Variants in HPSE2 observed in about 807,000 individuals in gnomAD.
The protein encoded by HPSE2 is inactive heparanase-2.
HPSE2 carries 38 observed loss-of-function variants against 60.5 expected under a neutral mutation model. The ratio of observed to expected loss-of-function variants is 0.63; its 90% CI spans 0.48 to 0.82. The LOEUF (loss-of-function observed/expected upper bound fraction) is 0.82. Ranked by LOEUF, HPSE2 falls within the 40% of genes least tolerant of loss-of-function variation. The pLI, the probability that HPSE2 is intolerant of heterozygous loss-of-function variation, is 0.00. For synonymous variants in HPSE2, 295 were observed against 293.2 expected (o/e 1.01, Z -0.06); for missense variants, 713 against 740.4 (o/e 0.96, Z 0.43).
intron 3 of HPSE2, among the ~76,000 whole-genome samples, chr10:99,143,547 T>C (rs1845942326): frequency 6.6e-6 from 1 of 152,214 alleles, no homozygotes; most frequent in South Asian, 2.1e-4. Flanking sequence ...TGGAGGTAAC[T>C]TGGACTGCTC....
At chr10:99,014,497 T>C (rs752362656) in intron 3 of HPSE2, among the ~76,000 whole-genome samples, 2 of 152,190 alleles carry the variant, frequency 1.3e-5, no homozygotes, top group Non-Finnish European at 2.9e-5. Context: ...GGTTGAAAGG[T>C]ATTTCTGTCT....
chr10:99,146,557 T>C (rs1846060827), intron 2 of HPSE2, among the ~76,000 whole-genome samples: 2 of 152,290 alleles, frequency 1.3e-5, no homozygotes, highest in East Asian at 3.9e-4. Flanking sequence ...CTTTGTAACC[T>C]TGAGTTAAGA....
chr10:98,867,436 C>A (rs1952616738), intron 3 of HPSE2, among the ~76,000 whole-genome samples: 1 of 152,032 alleles, frequency 6.6e-6, no homozygotes, highest in African/African-American at 2.4e-5. Flanking sequence ...GAAATCAAAA[C>A]CACAATGAGA....
intron 9 of HPSE2, among the ~76,000 whole-genome samples, chr10:98,570,159 C>A (rs569832411): frequency 6.6e-6 from 1 of 152,302 alleles, no homozygotes; most frequent in Admixed American, 6.5e-5. Context: ...CTTCCTTGCC[C>A]CTCACCTCTT....
intron 3 of HPSE2, among the ~76,000 whole-genome samples, chr10:98,778,367 C>T (rs201117092): frequency 1.3e-5 from 2 of 151,018 alleles, no homozygotes; most frequent in East Asian, 3.9e-4. Context: ...GTTTCTCTTA[C>T]GAAGCTCTAA....
intron 2 of HPSE2, among the ~76,000 whole-genome samples, chr10:99,175,337 A>G (rs1490725370): frequency 6.6e-6 from 1 of 152,016 alleles, no homozygotes; most frequent in African/African-American, 2.4e-5. Flanking sequence ...AGTGGATCCC[A>G]CCCCCACAGA....
intron 2 of HPSE2, among the ~76,000 whole-genome samples, chr10:99,164,009 A>G (rs1427749287): frequency 6.6e-6 from 1 of 151,668 alleles, no homozygotes; most frequent in African/African-American, 2.4e-5. Flanking sequence ...TTTGTAATTA[A>G]TGAATATTTT....
intron 3 of HPSE2, among the ~76,000 whole-genome samples, chr10:99,048,618 T>A (rs1009201099): frequency 3.3e-5 from 5 of 152,154 alleles, no homozygotes; most frequent in Non-Finnish European, 2.9e-5. Flanking sequence ...GGGGTGCTTA[T>A]ACACTGTTTT....
chr10:98,534,106 A>G (rs1233447376), intron 9 of HPSE2, among the ~76,000 whole-genome samples: 1 of 152,334 alleles, frequency 6.6e-6, no homozygotes, highest in Admixed American at 6.5e-5. Context: ...GGACATCACA[A>G]TGAGAACTGG....
chr10:98,577,758 C>G (rs1944682270), intron 9 of HPSE2, among the ~76,000 whole-genome samples: 1 of 152,186 alleles, frequency 6.6e-6, no homozygotes. Context: ...AGACTCAACT[C>G]TAAAACAGTG....
chr10:98,609,443 CTTCT>C (rs1039264799), intron 9 of HPSE2, among the ~76,000 whole-genome samples: 1 of 152,112 alleles, frequency 6.6e-6, no homozygotes, highest in Admixed American at 6.6e-5. Context: ...AAAAATAGGC[CTTCT>C]TTAAGATCTT....
intron 2 of HPSE2, among the ~76,000 whole-genome samples, chr10:99,160,574 C>T (rs1846787456): frequency 1.3e-5 from 2 of 152,194 alleles, no homozygotes; most frequent in South Asian, 4.1e-4. Context: ...TGAGAGCCTA[C>T]CTGACAGAAA....
intron 1 of HPSE2, among the ~76,000 whole-genome samples, chr10:99,235,074 C>CACAG (rs10630272): frequency 0.88 from 132,668 of 151,524 alleles, 58,275 homozygotes; most frequent in African/African-American, 0.94. Flanking sequence ...CTTGAACACT[C>CACAG]ACACACACAC....
intron 3 of HPSE2, among the ~76,000 whole-genome samples, chr10:99,067,799 T>G (rs574003848): frequency 6.6e-6 from 1 of 152,370 alleles, no homozygotes; most frequent in East Asian, 1.9e-4. Flanking sequence ...AACATTTGGC[T>G]TCTTGTTAAT....
chr10:98,568,855 T>C (rs1310575318), intron 9 of HPSE2, among the ~76,000 whole-genome samples: 1 of 152,124 alleles, frequency 6.6e-6, no homozygotes, highest in African/African-American at 2.4e-5. Context: ...AATCTACTCA[T>C]TGCTTTTGTG....
intron 9 of HPSE2, among the ~76,000 whole-genome samples, chr10:98,523,120 T>G (rs556179152): frequency 1.1e-3 from 169 of 152,274 alleles, no homozygotes; most frequent in African/African-American, 3.9e-3. Context: ...TTTGTTTGTT[T>G]GTTTGTTTGT....
chr10:99,100,157 G>T (rs748795379), intron 3 of HPSE2, among the ~76,000 whole-genome samples: 4 of 152,236 alleles, frequency 2.6e-5, no homozygotes, highest in African/African-American at 9.6e-5. Context: ...ACTTTGACAA[G>T]TTGAGAGAAG....
chr10:98,981,954 A>G (rs1362169667), intron 3 of HPSE2, among the ~76,000 whole-genome samples: 1 of 152,086 alleles, frequency 6.6e-6, no homozygotes, highest in African/African-American at 2.4e-5. Context: ...CTTTTTCTTA[A>G]ACTATCCACT....
the HPSE2 span, among the ~76,000 whole-genome samples, chr10:99,308,379 C>CAAAAAAAAAAAAAAAAAGAAAAAAA: frequency 3.6e-5 from 1 of 28,148 alleles, no homozygotes; most frequent in Non-Finnish European, 6.9e-5. Flanking sequence ...GACTCTGTCT[C>CAAAAAAAAAAAAAAAAAGAAAAAAA]AAAAAAAAAA....
Sources: gnomAD v4.1 joint callset for allele counts (sites outside exome capture counted in the v4.1 genomes callset) on GRCh38, gnomAD v4.1.1 for gene constraint, MANE v1.5 for transcripts, NCBI Gene and HGNC (gene_info 2026-07-23, HGNC 2026-07-21) for gene names.